The following PUM2 variants were observed in gnomAD, a reference collection of about 807,000 sequenced individuals.
The protein encoded by PUM2 is pumilio homolog 2.
PUM2 carries 57 observed loss-of-function variants against 124.5 expected under a neutral mutation model. The observed-to-expected ratio is 0.46, with a 90% CI of 0.37 to 0.57. PUM2 has a LOEUF of 0.57. PUM2 is among the 20% of genes least tolerant of loss of function. PUM2 has a pLI of 0.00. For synonymous variants in PUM2, 460 were observed against 446.1 expected (o/e 1.03, Z -0.39); for missense variants, 1,065 against 1,290.6 (o/e 0.83, Z 2.68).
chr2:20,303,935 T>G (rs1244093201), intron 7 of PUM2, among the ~76,000 whole-genome samples: 2 of 152,234 alleles, frequency 1.3e-5, no homozygotes, highest in Non-Finnish European at 2.9e-5. Flanking sequence ...TTTGCACAAC[T>G]TTAAAGTTCC....
chr2:20,326,246 AG>A, intron 2 of PUM2: 1 of 1,300,966 alleles, frequency 7.7e-7, no homozygotes, highest in Non-Finnish European at 1.0e-6. Flanking sequence ...CTTAAGCTTA[AG>A]CACCTTAACT....
chr2:20,276,068 T>TGC (rs1670177820), intron 13 of PUM2, among the ~76,000 whole-genome samples: 2 of 152,028 alleles, frequency 1.3e-5, no homozygotes, highest in Non-Finnish European at 2.9e-5. Flanking sequence ...AATTTTTTCA[T>TGC]GCATCTAACT....
At chr2:20,341,045 C>CAGTG (rs1477041417) in intron 1 of PUM2, among the ~76,000 whole-genome samples, 4 of 152,182 alleles carry the variant, frequency 2.6e-5, no homozygotes, top group Non-Finnish European at 5.9e-5. Flanking sequence ...GGACTGGGCA[C>CAGTG]AGTGGCTCAT....
At chr2:20,334,810 C>A (rs1685648443) in intron 1 of PUM2, among the ~76,000 whole-genome samples, 1 of 152,194 alleles carries the variant, frequency 6.6e-6, no homozygotes. Context: ...TCATCTACAG[C>A]CTGGAGACTG....
intron 2 of PUM2, 126 bp downstream of exon 2, chr2:20,327,184 C>A (rs994119679): frequency 6.3e-6 from 4 of 632,698 alleles, no homozygotes; most frequent in Non-Finnish European, 1.1e-5. Flanking sequence ...GAAATTTAAA[C>A]CCCTCCATAT....
intron 10 of PUM2, among the ~76,000 whole-genome samples, chr2:20,287,109 C>A (rs1333584780): frequency 6.6e-6 from 1 of 152,154 alleles, no homozygotes; most frequent in Non-Finnish European, 1.5e-5. Context: ...AGGAAACACA[C>A]CCCTTCTTAA....
intron 14 of PUM2, among the ~76,000 whole-genome samples, chr2:20,260,791 T>C (rs1268175624): frequency 2.0e-5 from 3 of 152,164 alleles, no homozygotes. Flanking sequence ...TTACTAAACA[T>C]CTAACTTTTA....
intron 4 of PUM2, 118 bp downstream of exon 4, chr2:20,312,118 C>A (rs1679743958): frequency 2.1e-6 from 2 of 947,978 alleles, no homozygotes; most frequent in Non-Finnish European, 3.0e-6. Flanking sequence ...ATAATAGTTA[C>A]AAAATTTCTC....
At chr2:20,267,215 G>A (rs1020491155) in intron 13 of PUM2, among the ~76,000 whole-genome samples, 8 of 151,908 alleles carry the variant, frequency 5.3e-5, no homozygotes, top group Non-Finnish European at 7.4e-5. Flanking sequence ...TAGTAGAGAC[G>A]GGGTTTCACC....
intron 1 of PUM2, among the ~76,000 whole-genome samples, chr2:20,333,999 T>C (rs956254670): frequency 5.3e-5 from 8 of 152,192 alleles, no homozygotes; most frequent in African/African-American, 1.9e-4. Context: ...CCTTCTGTCA[T>C]GATTCTAAGT....
At chr2:20,264,866 T>C (rs1259331810) in intron 13 of PUM2, among the ~76,000 whole-genome samples, 1 of 152,110 alleles carries the variant, frequency 6.6e-6, no homozygotes. Context: ...GGAGAGTAAA[T>C]TGGGTTAGAA....
chr2:20,266,365 A>G (rs1231947524), intron 13 of PUM2, among the ~76,000 whole-genome samples: 3 of 151,914 alleles, frequency 2.0e-5, no homozygotes, highest in Non-Finnish European at 4.4e-5. Flanking sequence ...GGATCGCTTG[A>G]GCCTGGGAGG....
At chr2:20,259,993 G>C (rs1047741008) in intron 15 of PUM2, among the ~76,000 whole-genome samples, 2 of 152,130 alleles carry the variant, frequency 1.3e-5, no homozygotes, top group African/African-American at 4.8e-5. Context: ...GTATAAAATG[G>C]TATCTCATTG....
intron 3 of PUM2, among the ~76,000 whole-genome samples, chr2:20,317,798 T>C (rs1681364344): frequency 6.6e-6 from 1 of 152,146 alleles, no homozygotes; most frequent in Non-Finnish European, 1.5e-5. Flanking sequence ...AGTATTTGGT[T>C]TTCTGTTCCT....
At chr2:20,348,603 T>A (rs1457190218) in intron 1 of PUM2, among the ~76,000 whole-genome samples, 1 of 152,196 alleles carries the variant, frequency 6.6e-6, no homozygotes, top group Non-Finnish European at 1.5e-5. Flanking sequence ...AAGTACCTAC[T>A]CCGGAAGGCA....
At chr2:20,257,043 CAAAAAAAAAAAAAAAAAA>C (rs58072146) in intron 16 of PUM2, among the ~76,000 whole-genome samples, 922 of 71,910 alleles carry the variant, frequency 0.013, 23 homozygotes, top group African/African-American at 0.05. Flanking sequence ...GATTCCGTCT[CAAAAAAAAAAAAAAAAAA>C]AAAAAAAAAA....
chr2:20,261,896 C>A (rs987434756), intron 14 of PUM2, among the ~76,000 whole-genome samples: 4 of 47,786 alleles, frequency 8.4e-5, no homozygotes, highest in Non-Finnish European at 1.5e-4. Context: ...ACAGTAAGCT[C>A]AGCCTGGCAA....
At chr2:20,324,930 T>C (rs1374982613) in intron 2 of PUM2, among the ~76,000 whole-genome samples, 1 of 138,986 alleles carries the variant, frequency 7.2e-6, no homozygotes, top group Non-Finnish European at 1.6e-5. Context: ...TTAAAAACCG[T>C]TTTGCATTAA....
Position 20,317,602 on chromosome 2 carries a change from A to G in PUM2, c.160+935T>C, listed in dbSNP as rs949193958. Among the ~76,000 whole-genome samples, 5 of 152,126 alleles carry G rather than the reference A, an allele frequency of 3.3e-5. No individual in the cohort carries two copies. The East Asian group carries it at 5.8e-4, about 18-fold the overall frequency. On this transcript the variant is annotated intron_variant, in intron 3 of 20. Coordinates refer to ENST00000361078, the MANE Select transcript of PUM2 (RefSeq NM_015317.5). ...GGGGGTACATGTGCAGGTTTGTTATATAGGTAAATTCATGTCACAGGGGTT... is the reference window on the plus strand; with the variant it reads ...GGGGGTACATGTGCAGGTTTGTTATGTAGGTAAATTCATGTCACAGGGGTT...
Sources: allele counts gnomAD v4.1 joint callset (sites outside exome capture counted in the v4.1 genomes callset), GRCh38; gene constraint gnomAD v4.1.1; transcripts MANE v1.5; gene names NCBI Gene and HGNC (gene_info 2026-07-23, HGNC 2026-07-21).